The following MCPH1 variants were observed in gnomAD, a reference collection of about 807,000 sequenced individuals.
The protein encoded by MCPH1 is microcephalin.
In MCPH1, 104 loss-of-function variants were observed where a neutral mutation model predicts 84.5. The ratio of observed to expected loss-of-function variants is 1.23; its 90% CI spans 1.05 to 1.45. The LOEUF (loss-of-function observed/expected upper bound fraction) is 1.45, where lower values mean the gene tolerates loss of function less well. MCPH1 is among the 40% of genes most tolerant of loss of function. The pLI is 0.00. For synonymous variants in MCPH1, 514 were observed against 366.8 expected (o/e 1.40, Z -4.58); for missense variants, 1,498 against 1,005.7 (o/e 1.49, Z -6.62).
chr8:6,615,712 CTAAT>C (rs1336591589), intron 12 of MCPH1: 1 of 152,116 alleles, frequency 6.6e-6, no homozygotes, highest in Admixed American at 6.5e-5. Flanking sequence ...AGCGTAACCA[CTAAT>C]TATAAGATTG....
intron 4 of MCPH1, among the ~76,000 whole-genome samples, chr8:6,432,384 T>G (rs1365417281): frequency 6.6e-6 from 1 of 152,246 alleles, no homozygotes; most frequent in African/African-American, 2.4e-5. Context: ...TTTTTTCTTT[T>G]GAATATTTCC....
chr8:6,412,128 T>A (rs1429269783), intron 2 of MCPH1, among the ~76,000 whole-genome samples: 2 of 152,190 alleles, frequency 1.3e-5, no homozygotes, highest in Non-Finnish European at 2.9e-5. Context: ...ACCTCCCTAA[T>A]GCCTGTCTTG....
At chr8:6,478,111 C>G (rs945422095) in intron 10 of MCPH1, among the ~76,000 whole-genome samples, 2 of 152,146 alleles carry the variant, frequency 1.3e-5, no homozygotes, top group Non-Finnish European at 2.9e-5. Flanking sequence ...GTGCTATATT[C>G]TTTGCAACAG....
chr8:6,531,293 C>CT (rs112161330), intron 12 of MCPH1, among the ~76,000 whole-genome samples: 10,808 of 142,290 alleles, frequency 0.076, 449 homozygotes, highest in African/African-American at 0.098. Context: ...TTCTTTCTTT[C>CT]TTTTTTTTTT....
chr8:6,541,401 G>T (rs764863812), intron 12 of MCPH1, among the ~76,000 whole-genome samples: 1 of 152,176 alleles, frequency 6.6e-6, no homozygotes, highest in African/African-American at 2.4e-5. Flanking sequence ...AGTCAGCAGC[G>T]CTGGAGAGGA....
intron 12 of MCPH1, among the ~76,000 whole-genome samples, chr8:6,600,381 G>A (rs1038832312): frequency 2.0e-5 from 3 of 152,252 alleles, no homozygotes; most frequent in Non-Finnish European, 4.4e-5. Context: ...ACAGGTGGAG[G>A]TGTAACTGGT....
intron 13 of MCPH1, chr8:6,625,448 T>C: frequency 1.0e-6 from 1 of 985,466 alleles, no homozygotes; most frequent in South Asian, 4.7e-5. Context: ...TGGACAATGT[T>C]TCATTCTCAA....
intron 12 of MCPH1, among the ~76,000 whole-genome samples, chr8:6,571,318 G>C (rs906876021): frequency 5.3e-5 from 8 of 152,114 alleles, no homozygotes; most frequent in African/African-American, 1.9e-4. Context: ...CCTGTGTTAA[G>C]TCAAATAAAG....
intron 13 of MCPH1, chr8:6,626,419 G>C (rs1226535306): frequency 3.0e-5 from 29 of 983,006 alleles, no homozygotes; most frequent in Non-Finnish European, 3.4e-5. Flanking sequence ...CAAGATTCTT[G>C]ATGAATCATT....
At chr8:6,516,751 C>T (rs1816344600) in intron 12 of MCPH1, among the ~76,000 whole-genome samples, 2 of 152,138 alleles carry the variant, frequency 1.3e-5, no homozygotes, top group Non-Finnish European at 1.5e-5. Flanking sequence ...TCTTGGTGAG[C>T]CTATCCTTGT....
At chr8:6,576,543 C>T (rs1276627417) in intron 12 of MCPH1, among the ~76,000 whole-genome samples, 1 of 126,690 alleles carries the variant, frequency 7.9e-6, no homozygotes. Context: ...TAGTCTCCCT[C>T]TGTCCCCCAG....
chr8:6,424,858 A>T (rs1469920053), intron 3 of MCPH1, among the ~76,000 whole-genome samples: 2 of 152,248 alleles, frequency 1.3e-5, no homozygotes, highest in Non-Finnish European at 2.9e-5. Flanking sequence ...TCAGGGACAC[A>T]CGTGAAGGAT....
At chr8:6,595,761 C>T (rs1170396449) in intron 12 of MCPH1, among the ~76,000 whole-genome samples, 3 of 152,084 alleles carry the variant, frequency 2.0e-5, no homozygotes, top group East Asian at 3.9e-4. Context: ...AGCATCATTC[C>T]GGCTGCTGCA....
intron 12 of MCPH1, among the ~76,000 whole-genome samples, chr8:6,595,599 G>C (rs533860916): frequency 6.6e-6 from 1 of 152,352 alleles, no homozygotes; most frequent in African/African-American, 2.4e-5. Context: ...GCAGGTTTGA[G>C]TGAAGAGTGC....
chr8:6,430,711 T>C (rs1169332092), intron 3 of MCPH1, among the ~76,000 whole-genome samples: 1 of 152,186 alleles, frequency 6.6e-6, no homozygotes, highest in African/African-American at 2.4e-5. Flanking sequence ...AGAGGCCTTA[T>C]AAAAACACTT....
At chr8:6,580,832 ACTTT>A (rs1827513578) in intron 12 of MCPH1, among the ~76,000 whole-genome samples, 1 of 152,204 alleles carries the variant, frequency 6.6e-6, no homozygotes, top group Non-Finnish European at 1.5e-5. Flanking sequence ...CCTGTAAATA[ACTTT>A]GCATTTAACA....
intron 10 of MCPH1, among the ~76,000 whole-genome samples, chr8:6,478,181 A>C (rs1479947584): frequency 1.3e-5 from 2 of 152,248 alleles, no homozygotes; most frequent in Non-Finnish European, 2.9e-5. Context: ...ATAGGTTTTA[A>C]GGTTTTAAGA....
At chr8:6,540,702 T>G (rs1367611949) in intron 12 of MCPH1, among the ~76,000 whole-genome samples, 5 of 152,268 alleles carry the variant, frequency 3.3e-5, no homozygotes, top group Non-Finnish European at 5.9e-5. Flanking sequence ...CTCACCAGAT[T>G]CTCACACTGC....
At chr8:6,625,831 C>G (rs1832018898) in intron 13 of MCPH1, 2 of 985,248 alleles carry the variant, frequency 2.0e-6, no homozygotes, top group African/African-American at 3.5e-5. Flanking sequence ...TATATTGTTT[C>G]TGTATCTTAA....
Sources: gnomAD v4.1 joint callset for allele counts (sites outside exome capture counted in the v4.1 genomes callset) on GRCh38, gnomAD v4.1.1 for gene constraint, MANE v1.5 for transcripts, NCBI Gene and HGNC (gene_info 2026-07-23, HGNC 2026-07-21) for gene names.